SLC6A2: variants seen among roughly 807,000 people sequenced by gnomAD.
SLC6A2 encodes the protein solute carrier family 6 member 2.
A neutral mutation model predicts 71.7 loss-of-function variants in SLC6A2; 26 were observed. The observed-to-expected ratio is 0.36, with a 90% CI of 0.27 to 0.50. The LOEUF (loss-of-function observed/expected upper bound fraction) is 0.50. Ranked by LOEUF, SLC6A2 falls within the 20% of genes least tolerant of loss-of-function variation. The pLI is 0.96. For missense variants in SLC6A2, 581 were observed against 803.9 expected, an observed-to-expected ratio of 0.72 and a Z score of 3.35; for synonymous variants, 363 against 337.9, an observed-to-expected ratio of 1.07 and a Z score of -0.82.
intron 5 of SLC6A2, among the ~76,000 whole-genome samples, chr16:55,691,129 C>T (rs1308820145): frequency 7.0e-6 from 1 of 142,326 alleles, no homozygotes; most frequent in African/African-American, 2.6e-5. Context: ...AAGAGATAAA[C>T]ATAAGGGAGA....
chr16:55,658,374 G>C (rs1259644831), intron 2 of SLC6A2, among the ~76,000 whole-genome samples: 1 of 152,118 alleles, frequency 6.6e-6, no homozygotes, highest in African/African-American at 2.4e-5. Context: ...TTAGCTGGGC[G>C]TAGTGGTGCA....
intron 4 of SLC6A2, among the ~76,000 whole-genome samples, chr16:55,682,586 T>C (rs1965308145): frequency 2.0e-5 from 3 of 152,222 alleles, no homozygotes; most frequent in Admixed American, 2.0e-4. Context: ...GGACCAGGAA[T>C]GGTTAATTCA....
At chr16:55,687,085 T>A (rs2142566560) in intron 5 of SLC6A2, among the ~76,000 whole-genome samples, 1 of 36,098 alleles carries the variant, frequency 2.8e-5, no homozygotes, top group South Asian at 1.1e-3. Flanking sequence ...GATCAACCAA[T>A]GTCACTAGCT....
At chr16:55,667,197 C>T (rs1323422977) in intron 2 of SLC6A2, among the ~76,000 whole-genome samples, 1 of 152,058 alleles carries the variant, frequency 6.6e-6, no homozygotes, top group Non-Finnish European at 1.5e-5. Context: ...GTGCCTGGCC[C>T]TATTAAACAG....
intron 3 of SLC6A2, among the ~76,000 whole-genome samples, chr16:55,669,966 T>G: frequency 6.6e-6 from 1 of 152,144 alleles, no homozygotes; most frequent in East Asian, 1.9e-4. Flanking sequence ...TATGGGAAAT[T>G]TTTACGTAAG....
In SLC6A2 at chr16:55,703,499, G is replaced by T. The variant is rs923741295; in HGVS notation, c.*1153G>T. ...GAAATACTCTCTCAAGTGGAGGGGA[G>T]AATTTTGAGAGTGGATGGAACAGTT... On this transcript the variant is annotated 3_prime_UTR_variant, in exon 15 of 15. Coordinates refer to ENST00000568943, the MANE Select transcript of SLC6A2 (RefSeq NM_001172501.3). 11 of 985,464 alleles carry T rather than the reference G, an allele frequency of 1.1e-5. No homozygotes were observed. Among genetic ancestry groups the T allele is most frequent in the South Asian group, 9.4e-5 (2 of 21,280 alleles). 61.0% of individuals were successfully genotyped at this position (985,464 alleles called of 1,614,324 possible).
intron 14 of SLC6A2, 131 bp from the exon 15 acceptor site, chr16:55,702,192 C>A: frequency 1.0e-6 from 1 of 954,832 alleles, no homozygotes; most frequent in East Asian, 2.4e-5. Flanking sequence ...TCAACTTGCA[C>A]GTTCCCTGAG....
intron 5 of SLC6A2, among the ~76,000 whole-genome samples, chr16:55,689,951 C>CGCTCCCA (rs1156558722): frequency 2.6e-5 from 4 of 152,180 alleles, no homozygotes; most frequent in Admixed American, 2.0e-4. Flanking sequence ...TGCATTTACT[C>CGCTCCCA]GCTCCCATGC....
At chr16:55,665,374 GA>G (rs1361618437) in intron 2 of SLC6A2, among the ~76,000 whole-genome samples, 42 of 152,228 alleles carry the variant, frequency 2.8e-4, no homozygotes, top group African/African-American at 9.6e-4. Context: ...GGGTGTTGGG[GA>G]AGGGGGACAA....
Position 55,656,626 on chromosome 16 carries a change from T to G in SLC6A2, c.-51-18T>G. 1 of 1,599,204 alleles carries G rather than the reference T, an allele frequency of 6.3e-7. No homozygotes were observed. Among genetic ancestry groups the G allele is most frequent in the Non-Finnish European group, 8.5e-7 (1 of 1,171,262 alleles). On this transcript the variant is annotated intron_variant, in intron 1 of 14. Transcript: ENST00000568943. This position sits in a 1 kb window ranked among gnomAD's most constrained non-coding sequence, Gnocchi z 4.5. ...AGGAACGGCCGGGTAACCACCTCTT[T>G]TCCCTTTATCCAAGCAGAGCCTCGG...
chr16:55,656,459 T>A lies in SLC6A2; in HGVS notation c.-51-185T>A, dbSNP rs2142472100. 1.7e-6 allele frequency: 1 copy of A among 592,166 alleles called. No individual in the cohort carries two copies. The allele number at this position is 592,166 out of a possible 1,614,324, so 36.7% of individuals were successfully genotyped here. ...AGGGCTGTCAGAAGTCTCCAACTCT[T>A]GAGTTCCGGCGTGCCCCAACCTCTG... On this transcript the variant is annotated intron_variant, in intron 1 of 14. Transcript: ENST00000568943. This position sits in a 1 kb window ranked among gnomAD's most constrained non-coding sequence, Gnocchi z 4.5.
At chr16:55,658,611 G>A (rs1426581892) in intron 2 of SLC6A2, among the ~76,000 whole-genome samples, 1 of 152,184 alleles carries the variant, frequency 6.6e-6, no homozygotes, top group Non-Finnish European at 1.5e-5. Context: ...CAACGAGAAA[G>A]TTAACCCAAG....
intron 2 of SLC6A2, among the ~76,000 whole-genome samples, chr16:55,663,990 C>T (rs1278668338): frequency 6.6e-6 from 1 of 152,058 alleles, no homozygotes; most frequent in Admixed American, 6.6e-5. Context: ...CTGGGCTTTC[C>T]CACTCAGCTT....
chr16:55,683,573 A>G (rs1329512874), intron 4 of SLC6A2, among the ~76,000 whole-genome samples: 1 of 152,140 alleles, frequency 6.6e-6, no homozygotes, highest in African/African-American at 2.4e-5. Context: ...TCATCGCACC[A>G]TTGCACTCCA....
In SLC6A2 at chr16:55,699,659, G is replaced by C; in HGVS notation, c.1590+5G>C. The C allele has an allele frequency of 6.2e-7, 1 of 1,603,834 alleles. No homozygotes were observed. Among genetic ancestry groups the C allele is most frequent in the Non-Finnish European group, 8.5e-7 (1 of 1,170,570 alleles). On this transcript the variant is annotated splice_donor_5th_base_variant and intron_variant, in intron 12 of 14. Coordinates refer to ENST00000568943, the MANE Select transcript of SLC6A2 (RefSeq NM_001172501.3). Reference sequence around the variant, plus strand: ...GTCAGTCCTGCCTTCCTCCTGGTGTGTAGTGTCTGCAGGGAAGTCCTGCAT... The same window carrying C: ...GTCAGTCCTGCCTTCCTCCTGGTGTCTAGTGTCTGCAGGGAAGTCCTGCAT...
chr16:55,703,071 G>A lies in SLC6A2; in HGVS notation c.*725G>A, dbSNP rs1966022960. 3.0e-6 allele frequency: 3 copies of A among 986,492 alleles called. No homozygotes were observed. The highest frequency in any genetic ancestry group is 3.6e-6 in the Non-Finnish European group (3 of 830,728). 61.1% of individuals were successfully genotyped at this position (986,492 alleles called of 1,614,324 possible). A position where few individuals can be genotyped will look rare whatever the true frequency, so the allele number is the denominator to read the frequency against. On this transcript the variant is annotated 3_prime_UTR_variant, in exon 15 of 15. Transcript: ENST00000568943. ...GGGGGACAGGAGGAAGAGGGTAAAT[G>A]AACCACAGTGAGCAGGTTCTAGGAG...
intron 7 of SLC6A2, among the ~76,000 whole-genome samples, 179 bp downstream of exon 7, chr16:55,694,292 C>T (rs1315643718): frequency 1.7e-4 from 26 of 152,162 alleles, no homozygotes; most frequent in Admixed American, 1.7e-3. Context: ...CTGATGACCA[C>T]ATTTCATTTC....
intron 4 of SLC6A2, among the ~76,000 whole-genome samples, chr16:55,681,977 G>A (rs140473495): frequency 1.7e-3 from 262 of 152,290 alleles, no homozygotes; most frequent in Middle Eastern, 3.4e-3. Context: ...CAAGATCTCC[G>A]CTCACTGCAA....
chr16:55,697,099 T>C (rs1965822860), intron 9 of SLC6A2, among the ~76,000 whole-genome samples: 1 of 152,248 alleles, frequency 6.6e-6, no homozygotes, highest in African/African-American at 2.4e-5. Context: ...TTTAAATCTA[T>C]GTCTACCCTT....
Sources: allele counts gnomAD v4.1 joint callset (sites outside exome capture counted in the v4.1 genomes callset), GRCh38; gene constraint gnomAD v4.1.1; non-coding constraint Gnocchi (gnomAD v3.1); transcripts MANE v1.5; gene names NCBI Gene and HGNC (gene_info 2026-07-23, HGNC 2026-07-21).